IL23R: variants seen among roughly 807,000 people sequenced by gnomAD.
The protein encoded by IL23R is interleukin 23 receptor.
Under a neutral mutation model 56.9 loss-of-function variants are expected in IL23R, and 34 were observed. The observed-to-expected ratio is 0.60, with a 90% CI of 0.45 to 0.80. IL23R has a LOEUF of 0.80. Among genes scored for constraint, IL23R ranks in the 30% least tolerant of loss-of-function variants. The probability of loss-of-function intolerance (pLI) is 0.00; values close to 1 mark genes in which losing one functional copy is unlikely to be tolerated. For missense variants in IL23R, 635 were observed against 730.0 expected (o/e 0.87, Z 1.50); for synonymous variants, 230 against 249.2 (o/e 0.92, Z 0.73).
intron 1 of IL23R, among the ~76,000 whole-genome samples, chr1:67,156,763 C>G (rs1036711594): frequency 1.5e-4 from 23 of 152,178 alleles, no homozygotes; most frequent in Non-Finnish European, 8.8e-5. Context: ...GAAGTGGGAC[C>G]TGCTGAGCGA....
At chr1:67,185,879 T>A (rs569763952) in intron 4 of IL23R, among the ~76,000 whole-genome samples, 8 of 152,242 alleles carry the variant, frequency 5.3e-5, no homozygotes, top group Non-Finnish European at 8.8e-5. Flanking sequence ...TGCTAAGTAC[T>A]GTGCTCTGTA....
intron 5 of IL23R, among the ~76,000 whole-genome samples, chr1:67,205,774 A>G (rs1648959317): frequency 6.6e-6 from 1 of 152,226 alleles, no homozygotes. Context: ...TTTAAAGGAG[A>G]ACAAAACAAG....
intron 3 of IL23R, among the ~76,000 whole-genome samples, chr1:67,175,305 AC>A (rs1646993474): frequency 6.6e-6 from 1 of 152,176 alleles, no homozygotes; most frequent in Non-Finnish European, 1.5e-5. Flanking sequence ...TTGCATGAAT[AC>A]CAAACTTTAA....
At chr1:67,202,599 T>TTA (rs1648718074) in intron 5 of IL23R, among the ~76,000 whole-genome samples, 1 of 152,174 alleles carries the variant, frequency 6.6e-6, no homozygotes, top group Non-Finnish European at 1.5e-5. Context: ...AGATTATAAT[T>TTA]TATATATTAG....
chr1:67,256,464 C>G (rs542475006), intron 10 of IL23R, among the ~76,000 whole-genome samples: 9 of 152,296 alleles, frequency 5.9e-5, no homozygotes, highest in African/African-American at 2.2e-4. Context: ...CACCAGGAAG[C>G]CCCTGAGGGT....
intron 9 of IL23R, among the ~76,000 whole-genome samples, chr1:67,251,306 G>T (rs1015947821): frequency 2.6e-5 from 4 of 152,020 alleles, no homozygotes; most frequent in African/African-American, 9.7e-5. Context: ...CAACAAATTA[G>T]CCAGGTGTGG....
intron 1 of IL23R, among the ~76,000 whole-genome samples, chr1:67,143,960 T>C (rs747678463): frequency 2.0e-5 from 3 of 152,224 alleles, no homozygotes; most frequent in Non-Finnish European, 4.4e-5. Flanking sequence ...CTTACTTTTA[T>C]AGACCCTTCT....
intron 7 of IL23R, among the ~76,000 whole-genome samples, chr1:67,231,654 G>A (rs1651106496): frequency 6.6e-6 from 1 of 152,112 alleles, no homozygotes; most frequent in African/African-American, 2.4e-5. Context: ...AGTAAAACAT[G>A]ATGAAACATT....
chr1:67,140,630 A>T (rs2102521757), intron 1 of IL23R, among the ~76,000 whole-genome samples: 1 of 152,282 alleles, frequency 6.6e-6, no homozygotes, highest in Non-Finnish European at 1.5e-5. Context: ...TAAAAACCTT[A>T]AAAAATGTAT....
intron 1 of IL23R, among the ~76,000 whole-genome samples, chr1:67,159,244 G>A (rs1165949669): frequency 6.9e-6 from 1 of 144,064 alleles, no homozygotes; most frequent in African/African-American, 2.8e-5. Context: ...ATCACTATCA[G>A]TGATTGATAG....
rs145054270 is a variant in IL23R at position 67,185,943 on chromosome 1, G to A, written c.491+2984G>A. Reference sequence around the variant, plus strand: ...AACTTAACCTTGTGAGGGAACTATCGTTATTGTTCCCATTTTACAGATGGC... The same window carrying A: ...AACTTAACCTTGTGAGGGAACTATCATTATTGTTCCCATTTTACAGATGGC... On this transcript the variant is annotated intron_variant, in intron 4 of 10. Transcript: ENST00000347310. Among the ~76,000 whole-genome samples the A allele has an allele frequency of 1.2e-4, 19 of 152,242 alleles. 1 individual carries two copies. In the South Asian group the frequency reaches 2.7e-3, roughly 22 times the overall value.
chr1:67,166,922 A>G (rs1222536702), intron 1 of IL23R, among the ~76,000 whole-genome samples: 1 of 152,172 alleles, frequency 6.6e-6, no homozygotes, highest in Non-Finnish European at 1.5e-5. Flanking sequence ...TTTATAGAAA[A>G]AGCTCAGGTT....
intron 3 of IL23R, among the ~76,000 whole-genome samples, chr1:67,176,049 A>C (rs1175919871): frequency 2.0e-5 from 3 of 152,212 alleles, no homozygotes; most frequent in Non-Finnish European, 4.4e-5. Flanking sequence ...GCTCAATGAC[A>C]TCAAACTCAA....
At chr1:67,141,778 G>A (rs984402298) in intron 1 of IL23R, among the ~76,000 whole-genome samples, 2 of 151,968 alleles carry the variant, frequency 1.3e-5, no homozygotes, top group African/African-American at 2.4e-5. Flanking sequence ...CAGAGAGACC[G>A]TGGGATTGAG....
chr1:67,190,901 C>T (rs1353010797), intron 4 of IL23R, among the ~76,000 whole-genome samples: 1 of 152,202 alleles, frequency 6.6e-6, no homozygotes, highest in African/African-American at 2.4e-5. Flanking sequence ...TCTCTACATG[C>T]ATATTTTTAA....
At chr1:67,167,978 C>T in intron 1 of IL23R, 114 bp from the exon 2 acceptor site, 1 of 651,076 alleles carries the variant, frequency 1.5e-6, no homozygotes. Flanking sequence ...TTTCCTTCTT[C>T]CTCCCTAATC....
chr1:67,190,496 C>T (rs1647664464), intron 4 of IL23R, among the ~76,000 whole-genome samples: 1 of 151,146 alleles, frequency 6.6e-6, no homozygotes, highest in African/African-American at 2.4e-5. Flanking sequence ...TGTAGTCCCA[C>T]TATCTTCAGC....
intron 4 of IL23R, among the ~76,000 whole-genome samples, chr1:67,196,869 G>A (rs146757350): frequency 4.6e-5 from 7 of 152,316 alleles, no homozygotes; most frequent in African/African-American, 1.2e-4. Context: ...AAGGTGGACC[G>A]CATGCCTTTG....
At chr1:67,247,306 CT>C (rs754056239) in intron 9 of IL23R, among the ~76,000 whole-genome samples, 264 of 139,646 alleles carry the variant, frequency 1.9e-3, no homozygotes, top group Middle Eastern at 3.6e-3. Context: ...AGCCCATTTA[CT>C]TTTTTTTTTT....
Sources: gnomAD v4.1 joint callset for allele counts (sites outside exome capture counted in the v4.1 genomes callset) on GRCh38, gnomAD v4.1.1 for gene constraint, MANE v1.5 for transcripts, NCBI Gene and HGNC (gene_info 2026-07-23, HGNC 2026-07-21) for gene names.